RHBG: variants seen among roughly 807,000 people sequenced by gnomAD.
RHBG encodes ammonium transporter Rh type B.
Under a neutral mutation model 40.1 loss-of-function variants are expected in RHBG, and 39 were observed. The observed-to-expected ratio is 0.97, with a 90% confidence interval of 0.75 to 1.27. The LOEUF is 1.27. Ranked by LOEUF, RHBG falls within the 50% of genes most tolerant of loss-of-function variation. The pLI is 0.00. For synonymous variants in RHBG, 237 were observed against 252.5 expected, an observed-to-expected ratio of 0.94 and a Z score of 0.58; for missense variants, 549 against 588.1, an observed-to-expected ratio of 0.93 and a Z score of 0.69.
chr1:156,381,745 G>A (rs200347395), intron 5 of RHBG, 61 bp from the exon 6 acceptor site: 2 of 1,541,876 alleles, frequency 1.3e-6, no homozygotes, highest in African/African-American at 2.8e-5. Flanking sequence ...TGGTGTGTAG[G>A]GTTGGGTTGC....
chr1:156,374,497 G>C (rs1570991800), intron 1 of RHBG: 1 of 353,856 alleles, frequency 2.8e-6, no homozygotes, highest in East Asian at 9.8e-5. Flanking sequence ...ATATGAGTGA[G>C]AACATGCGGT....
At chr1:156,375,011 A>G (rs1667092032) in intron 1 of RHBG, among the ~76,000 whole-genome samples, 1 of 152,000 alleles carries the variant, frequency 6.6e-6, no homozygotes, top group African/African-American at 2.4e-5. Flanking sequence ...GGTCTGGAGA[A>G]GCAGTGCAGA....
intron 1 of RHBG, among the ~76,000 whole-genome samples, chr1:156,373,583 A>G (rs952068507): frequency 5.9e-5 from 9 of 152,152 alleles, no homozygotes; most frequent in African/African-American, 1.9e-4. Flanking sequence ...TCAGAGCCCA[A>G]AAAGAATTTC....
chr1:156,384,411 C>T, intron 8 of RHBG, 116 bp from the exon 9 acceptor site: 1 of 915,912 alleles, frequency 1.1e-6, no homozygotes, highest in Non-Finnish European at 1.8e-6. Context: ...TTTGCCTGCA[C>T]AGGCATCATA....
intron 4 of RHBG, among the ~76,000 whole-genome samples, chr1:156,378,897 T>C (rs1667419547): frequency 6.6e-6 from 1 of 152,070 alleles, no homozygotes; most frequent in Non-Finnish European, 1.5e-5. Flanking sequence ...CCCTGCACTC[T>C]CAGGCAGGGA....
chr1:156,384,828 GC>G lies in RHBG; in HGVS notation c.1361del (p.Ala454GlufsTer26). 13 of 1,612,968 alleles carry G rather than the reference GC, an allele frequency of 8.1e-6. No homozygotes were observed. Among genetic ancestry groups the G allele is most frequent in the Non-Finnish European group, 1.0e-5 (12 of 1,179,252 alleles). Reference sequence around the variant, plus strand: ...CCAGAGACCTCTGAGGGTGGAGGAGGCAGACACTCAGGCCTAACCCACTGCC... The same window carrying G: ...CCAGAGACCTCTGAGGGTGGAGGAGGAGACACTCAGGCCTAACCCACTGCC... Reference protein sequence around the residue: ...KAQRPLRVEEADTQA With the variant: ...KAQRPLRVEEXDTQA On this transcript the variant is annotated frameshift_variant, in exon 10 of 10. Coordinates refer to ENST00000537040, the MANE Select transcript of RHBG (RefSeq NM_020407.5). LOFTEE classifies it high-confidence loss of function.
At chr1:156,382,488 G>A in intron 7 of RHBG, 1 of 630,440 alleles carries the variant, frequency 1.6e-6, no homozygotes, top group African/African-American at 1.8e-5. Flanking sequence ...CATCAAGGGT[G>A]GGCAAAAGCA....
intron 5 of RHBG, 31 bp downstream of exon 5, chr1:156,381,544 G>A: frequency 1.3e-6 from 2 of 1,578,236 alleles, no homozygotes; most frequent in Non-Finnish European, 1.7e-6. Flanking sequence ...GAGAGGCAGA[G>A]GGGGTGGCCT....
intron 4 of RHBG, among the ~76,000 whole-genome samples, chr1:156,379,216 G>A (rs7517395): frequency 0.034 from 5,180 of 150,758 alleles, 298 homozygotes; most frequent in African/African-American, 0.12. Flanking sequence ...GGCTGGTCTC[G>A]AACTCCTGAC....
chr1:156,378,085 T>A lies in RHBG; in HGVS notation c.470T>A (p.Leu157Gln). 6.2e-7 allele frequency: 1 copy of A among 1,611,736 alleles called. No homozygotes were observed. The highest frequency in any genetic ancestry group is 2.2e-5 in the East Asian group (1 of 44,838). Reference protein sequence around the residue: ...TGPTQLLLMALLEVVLFGINE... With the variant: ...TGPTQLLLMAQLEVVLFGINE... ...CCTACCCAGCTGCTGCTCATGGCCC[T>A]GCTGGAGGTGGTGCTGTTTGGCATC... The change falls in exon 3 of 10, where the codon CTG becomes CAG. Residue 157 changes from leucine (L) to glutamine (Q), a missense_variant. Leu to Gln is a moderately radical substitution (Grantham distance 113). Coordinates refer to ENST00000537040, the MANE Select transcript of RHBG (RefSeq NM_020407.5).
intron 1 of RHBG, chr1:156,371,272 G>C (rs2985713): frequency 0.88 from 279,452 of 317,988 alleles, 123,347 homozygotes; most frequent in Non-Finnish European, 0.91. Context: ...CGATTCACCC[G>C]CCTCAGCCTC....
At chr1:156,370,577 A>G (rs1488739534) in intron 1 of RHBG, among the ~76,000 whole-genome samples, 4 of 130,958 alleles carry the variant, frequency 3.1e-5, no homozygotes. Flanking sequence ...GCACCACTGC[A>G]CTCCAGACTG....
At chr1:156,381,757 G>A in intron 5 of RHBG, 49 bp from the exon 6 acceptor site, 3 of 1,551,716 alleles carry the variant, frequency 1.9e-6, no homozygotes, top group Non-Finnish European at 2.6e-6. Context: ...TTGGGTTGCT[G>A]TGGGTGTGAC....
chr1:156,384,556 TC>T lies in RHBG; in HGVS notation c.1271del (p.Pro424GlnfsTer26), dbSNP rs11303415. On this transcript the variant is annotated frameshift_variant, in exon 9 of 10. Transcript: ENST00000537040. LOFTEE classifies it high-confidence loss of function. Reference protein sequence around the residue: ...GLLLKLPFLDSPPDSQHYEDQ... With the variant: ...GLLLKLPFLDXPPDSQHYEDQ... ...CCTGCTGAAGCTACCCTTTCTGGAC[TC>T]CCCCCCAGACTCCCAGCACTACGAG... 5 of 1,584,714 alleles carry T rather than the reference TC, an allele frequency of 3.2e-6. No individual in the cohort carries two copies. Among genetic ancestry groups the T allele is most frequent in the African/African-American group, 2.7e-5 (2 of 73,970 alleles).
At chr1:156,382,593 C>T in intron 7 of RHBG, 155 bp from the exon 8 acceptor site, 2 of 914,212 alleles carry the variant, frequency 2.2e-6, no homozygotes, top group Non-Finnish European at 3.4e-6. Context: ...GAGCAGTGGC[C>T]TGGAGGTGAG....
At position 156,377,508 on chromosome 1, in the gene RHBG, C is replaced by T. The variant is rs1187962560; in HGVS notation, c.374+21C>T. ...GAGAGGTGGGCAGCCGCCACCCACC[C>T]AGCTCCCCAAGGTTCACTCGGGAGG... On this transcript the variant is annotated intron_variant, in intron 2 of 9. Coordinates refer to ENST00000537040, the MANE Select transcript of RHBG (RefSeq NM_020407.5). This position sits in a 1 kb window ranked among gnomAD's most constrained non-coding sequence, Gnocchi z 4.6. 3.1e-6 allele frequency: 5 copies of T among 1,597,458 alleles called. No individual in the cohort carries two copies. The highest frequency in any genetic ancestry group is 4.3e-6 in the Non-Finnish European group (5 of 1,167,248).
chr1:156,381,876 C>T lies in RHBG; in HGVS notation c.911C>T (p.Pro304Leu). ...VGTSSEMMLT[P>L]FGALAAGFLA... The stretch of plus-strand genomic sequence containing the variant: ...ACCTCAAGTGAAATGATGCTGACAC[C>T]CTTTGGGGCTCTGGCAGCTGGCTTC... The change falls in exon 6 of 10, where the codon CCC (proline) becomes CTC (leucine). Residue 304 changes from proline to leucine, a missense_variant. By Grantham distance (98) the Pro-to-Leu change is moderately conservative (BLOSUM62 -3). Around this residue, in one of 3 missense-constraint regions of RHBG, gnomAD observed 399 missense variants for 417.0 expected, o/e 0.96. Transcript: ENST00000537040. The T allele has an allele frequency of 6.2e-7, 1 of 1,604,262 alleles. No individual in the cohort carries two copies. Among genetic ancestry groups the T allele is most frequent in the Non-Finnish European group, 8.5e-7 (1 of 1,177,862 alleles).
In RHBG at chr1:156,377,404, C is replaced by T. The variant is rs756894150; in HGVS notation, c.291C>T (p.Ala97=). The T allele has an allele frequency of 1.4e-5, 23 of 1,614,224 alleles. No individual in the cohort carries two copies. The highest frequency in any genetic ancestry group is 1.9e-5 in the Non-Finnish European group (22 of 1,180,028). ...FSSVGFTFLL[A]AFALQWSTLV... ...GCGTGGGCTTCACCTTCCTCCTGGCCGCCTTTGCCCTGCAGTGGTCCACAC... is the reference window on the plus strand; with the variant it reads ...GCGTGGGCTTCACCTTCCTCCTGGCTGCCTTTGCCCTGCAGTGGTCCACAC... Residue 97 remains alanine (A), a synonymous_variant, in exon 2 of 10, where the codon GCC becomes GCT. Transcript: ENST00000537040. This position sits in a 1 kb window ranked among gnomAD's most constrained non-coding sequence, Gnocchi z 4.6.
rs113166878 is a variant in RHBG at position 156,373,024 on chromosome 1, T to C, written c.187+3588T>C. 6.2e-3 allele frequency among the ~76,000 whole-genome samples: 937 copies of C among 152,332 alleles called. 9 individuals carry two copies. The highest frequency in any genetic ancestry group is 0.022 in the African/African-American group (903 of 41,578). ...CAGCTTTAACAGCTGTCTTCTCCCA[T>C]AATCTTGTCTGGTCCAGGAGTTATC... On this transcript the variant is annotated intron_variant, in intron 1 of 9. Transcript: ENST00000537040.
Sources: gnomAD v4.1 joint callset for allele counts (sites outside exome capture counted in the v4.1 genomes callset) on GRCh38, gnomAD v4.1.1 for gene constraint, gnomAD v4.1.1 regional missense constraint, Gnocchi (gnomAD v3.1) non-coding constraint, MANE v1.5 for transcripts, NCBI Gene and HGNC (gene_info 2026-07-23, HGNC 2026-07-21) for gene names.